Variants in EIF4EBP1 observed in about 807,000 individuals in gnomAD.
The protein encoded by EIF4EBP1 is eukaryotic translation initiation factor 4E binding protein 1, also known as eukaryotic translation initiation factor 4E-binding protein 1.
EIF4EBP1 carries 5 observed loss-of-function variants against 9.2 expected under a neutral mutation model. The observed-to-expected ratio is 0.54, with a 90% confidence interval of 0.28 to 1.14. The LOEUF (loss-of-function observed/expected upper bound fraction) is 1.14, where lower values mean the gene tolerates loss of function less well. EIF4EBP1 is among the 50% of genes most tolerant of loss of function. The pLI is 0.09. For synonymous variants in EIF4EBP1, 62 were observed against 67.0 expected (o/e 0.93, Z 0.36); for missense variants, 139 against 169.6 (o/e 0.82, Z 1.00).
At chr8:38,041,096 G>A (rs1809372727) in intron 1 of EIF4EBP1, among the ~76,000 whole-genome samples, 1 of 152,090 alleles carries the variant, frequency 6.6e-6, no homozygotes, top group Non-Finnish European at 1.5e-5. Context: ...CATCGCGCCT[G>A]GCCTTTTTTG....
chr8:38,043,356 C>A (rs1362007643), intron 1 of EIF4EBP1, among the ~76,000 whole-genome samples: 1 of 149,876 alleles, frequency 6.7e-6, no homozygotes, highest in Non-Finnish European at 1.5e-5. Flanking sequence ...CTTTTCTTTT[C>A]TTTTCTTTTT....
chr8:38,056,733 G>A (rs1474686959), intron 1 of EIF4EBP1, among the ~76,000 whole-genome samples: 2 of 150,990 alleles, frequency 1.3e-5, no homozygotes, highest in Non-Finnish European at 2.9e-5. Flanking sequence ...TGGTGCAATC[G>A]GCTCACTGCA....
chr8:38,059,368 C>T (rs1466810307), intron 2 of EIF4EBP1, among the ~76,000 whole-genome samples: 1 of 152,198 alleles, frequency 6.6e-6, no homozygotes, highest in Non-Finnish European at 1.5e-5. Context: ...TTGCTTTCCA[C>T]CATGACGAAA....
At chr8:38,054,023 A>T (rs1033153056) in intron 1 of EIF4EBP1, among the ~76,000 whole-genome samples, 1 of 152,180 alleles carries the variant, frequency 6.6e-6, no homozygotes, top group African/African-American at 2.4e-5. Context: ...TGTTATGTGT[A>T]TTTCACCACA....
chr8:38,039,081 G>A (rs559114689), intron 1 of EIF4EBP1, among the ~76,000 whole-genome samples: 2 of 151,964 alleles, frequency 1.3e-5, no homozygotes, highest in African/African-American at 4.8e-5. Flanking sequence ...TAGTAGAAAT[G>A]GTGTTTCTCT....
chr8:38,057,949 C>T (rs577939362), intron 2 of EIF4EBP1, among the ~76,000 whole-genome samples: 1 of 152,298 alleles, frequency 6.6e-6, no homozygotes, highest in African/African-American at 2.4e-5. Flanking sequence ...GCAGCATAAG[C>T]ACTTCCGGGC....
chr8:38,059,949 G>C lies in EIF4EBP1; in HGVS notation c.*14G>C. The C allele has an allele frequency of 1.2e-6, 2 of 1,614,048 alleles. No individual in the cohort carries two copies. Among genetic ancestry groups the C allele is most frequent in the East Asian group, 2.2e-5 (1 of 44,872 alleles). Reference sequence around the variant, plus strand: ...ATGGACATTTAAAGCACCAGCCATCGTGTGGAGCACTACCAAGGGGCCCCT... The same window carrying C: ...ATGGACATTTAAAGCACCAGCCATCCTGTGGAGCACTACCAAGGGGCCCCT... On this transcript the variant is annotated 3_prime_UTR_variant, in exon 3 of 3. Transcript: ENST00000338825.
intron 1 of EIF4EBP1, among the ~76,000 whole-genome samples, chr8:38,032,393 A>G (rs528169341): frequency 6.6e-6 from 1 of 152,256 alleles, no homozygotes; most frequent in South Asian, 2.1e-4. Flanking sequence ...CCTAGCTACT[A>G]CAGAGGCTGA....
intron 1 of EIF4EBP1, among the ~76,000 whole-genome samples, chr8:38,053,512 G>A (rs1809553859): frequency 6.6e-6 from 1 of 151,960 alleles, no homozygotes; most frequent in African/African-American, 2.4e-5. Flanking sequence ...CACCACGCCT[G>A]GCTAATTTTT....
chr8:38,040,744 G>A lies in EIF4EBP1; in HGVS notation c.145+10026G>A, dbSNP rs577648593. Among the ~76,000 whole-genome samples, 4 of 152,274 alleles carry A rather than the reference G, an allele frequency of 2.6e-5. No individual in the cohort carries two copies. The South Asian group carries it at 8.3e-4, about 32-fold the overall frequency. On this transcript the variant is annotated intron_variant, in intron 1 of 2. Coordinates refer to ENST00000338825, the MANE Select transcript of EIF4EBP1 (RefSeq NM_004095.4). ...GTCTAGCTTGAGTTTTATTTACATG[G>A]TAGTTTCCAAGGCCACTTAAGGCCT... is the stretch of plus-strand genomic sequence containing the variant.
intron 1 of EIF4EBP1, among the ~76,000 whole-genome samples, chr8:38,033,653 T>G (rs971421115): frequency 1.3e-5 from 2 of 151,350 alleles, no homozygotes; most frequent in Admixed American, 6.6e-5. Flanking sequence ...TCACTCCTGC[T>G]GGGAATGGCC....
At chr8:38,036,725 T>G (rs1277134977) in intron 1 of EIF4EBP1, among the ~76,000 whole-genome samples, 2 of 151,868 alleles carry the variant, frequency 1.3e-5, no homozygotes, top group Non-Finnish European at 2.9e-5. Flanking sequence ...GGAGTGCAGT[T>G]GCAGCCTCAA....
intron 1 of EIF4EBP1, among the ~76,000 whole-genome samples, chr8:38,031,636 C>G (rs1008307106): frequency 1.1e-4 from 16 of 152,182 alleles, no homozygotes; most frequent in African/African-American, 3.9e-4. Flanking sequence ...CTAGAAAACG[C>G]GACAGATCCT....
In EIF4EBP1 at chr8:38,060,077, C is replaced by A; in HGVS notation, c.*142C>A. On this transcript the variant is annotated 3_prime_UTR_variant, in exon 3 of 3. Transcript: ENST00000338825. ...GGACACCCCAGCCCTTTCTCCCTCA[C>A]TCAGGGCACCTGCCCCCTCCTCTTC... 1 of 777,564 alleles carries A rather than the reference C, an allele frequency of 1.3e-6. No individual in the cohort carries two copies. Among genetic ancestry groups the A allele is most frequent in the Non-Finnish European group, 2.3e-6 (1 of 443,178 alleles). 48.2% of individuals were successfully genotyped at this position (777,564 alleles called of 1,614,324 possible).
intron 1 of EIF4EBP1, among the ~76,000 whole-genome samples, chr8:38,051,979 G>T (rs1343890904): frequency 1.3e-5 from 2 of 152,146 alleles, no homozygotes; most frequent in African/African-American, 4.8e-5. Flanking sequence ...TCCAACCTTG[G>T]CCTCCCAAAC....
intron 1 of EIF4EBP1, among the ~76,000 whole-genome samples, chr8:38,048,241 C>A (rs1418794583): frequency 6.6e-6 from 1 of 151,620 alleles, no homozygotes; most frequent in Non-Finnish European, 1.5e-5. Context: ...CCACTGCACT[C>A]CAGCCTGAGT....
At chr8:38,043,363 T>TTTTC (rs979437886) in intron 1 of EIF4EBP1, among the ~76,000 whole-genome samples, 4 of 150,024 alleles carry the variant, frequency 2.7e-5, no homozygotes, top group African/African-American at 1.0e-4. Flanking sequence ...TTTCTTTTCT[T>TTTTC]TTTCTTTTTT....
chr8:38,035,794 C>T (rs1010984168), intron 1 of EIF4EBP1, among the ~76,000 whole-genome samples: 1 of 151,668 alleles, frequency 6.6e-6, no homozygotes, highest in African/African-American at 2.4e-5. Flanking sequence ...ACTGCAACCT[C>T]CACCTCCTGG....
At position 38,057,072 on chromosome 8, in the gene EIF4EBP1, C is replaced by G. The variant is rs1260380137; in HGVS notation, c.146-9C>G. On this transcript the variant is annotated splice_polypyrimidine_tract_variant and intron_variant, in intron 1 of 2. Coordinates refer to ENST00000338825, the MANE Select transcript of EIF4EBP1 (RefSeq NM_004095.4). ...AGATGGCTTGACCAACCTCCCTGTT[C>G]CCTTCTAGGTACCAGGATCATCTAT... 6.2e-7 allele frequency: 1 copy of G among 1,613,838 alleles called. No homozygotes were observed. The highest frequency in any genetic ancestry group is 8.5e-7 in the Non-Finnish European group (1 of 1,179,880).
Sources: gnomAD v4.1 joint callset for allele counts (sites outside exome capture counted in the v4.1 genomes callset) on GRCh38, gnomAD v4.1.1 for gene constraint, MANE v1.5 for transcripts, NCBI Gene and HGNC (gene_info 2026-07-23, HGNC 2026-07-21) for gene names.